The following DPP6 variants were observed in gnomAD, a reference collection of about 807,000 sequenced individuals.
The protein encoded by DPP6 is dipeptidyl peptidase like 6.
Under a neutral mutation model 122.6 loss-of-function variants are expected in DPP6, and 69 were observed. That is an observed-to-expected ratio of 0.56 (90% CI 0.46 to 0.69). The LOEUF is 0.69. DPP6 is among the 30% of genes least tolerant of loss of function. DPP6 has a pLI of 0.00. For synonymous variants in DPP6, 418 were observed against 433.1 expected, an observed-to-expected ratio of 0.97 and a Z score of 0.43; for missense variants, 928 against 1,116.9, an observed-to-expected ratio of 0.83 and a Z score of 2.41.
upstream of DPP6, chr7:153,886,974 C>T (rs1405405339): frequency 1.3e-5 from 2 of 152,284 alleles, no homozygotes; most frequent in African/African-American, 4.8e-5. Context: ...CGCGCGCGCA[C>T]CCAGTCCAGC....
intron 10 of DPP6, among the ~76,000 whole-genome samples, chr7:154,781,439 G>A (rs767755396): frequency 5.3e-5 from 8 of 152,176 alleles, no homozygotes; most frequent in Non-Finnish European, 1.0e-4. Context: ...CCTTGAGATG[G>A]AAGGGACAGG....
chr7:153,896,126 C>T (rs1405356267), intron 1 of DPP6, among the ~76,000 whole-genome samples: 2 of 152,174 alleles, frequency 1.3e-5, no homozygotes, highest in African/African-American at 4.8e-5. Context: ...TTCTCTTTTT[C>T]CCTCTCCTAC....
intron 7 of DPP6, among the ~76,000 whole-genome samples, chr7:154,710,808 C>T (rs933062150): frequency 2.0e-5 from 3 of 152,240 alleles, no homozygotes; most frequent in Non-Finnish European, 4.4e-5. Context: ...AGGATTGGCA[C>T]AGTCTCCAGT....
At chr7:154,393,430 G>A (rs968934429) in intron 1 of DPP6, among the ~76,000 whole-genome samples, 1 of 152,100 alleles carries the variant, frequency 6.6e-6, no homozygotes, top group Non-Finnish European at 1.5e-5. Flanking sequence ...CTCAGGGAAA[G>A]TATTATCAAA....
intron 8 of DPP6, among the ~76,000 whole-genome samples, chr7:154,735,907 G>C (rs980253785): frequency 5.3e-5 from 8 of 152,160 alleles, no homozygotes; most frequent in Non-Finnish European, 1.2e-4. Flanking sequence ...TAGCCCCCTG[G>C]GTCCAACTGC....
chr7:154,622,330 G>A (rs1035528098), intron 5 of DPP6, among the ~76,000 whole-genome samples: 4 of 152,204 alleles, frequency 2.6e-5, no homozygotes, highest in Non-Finnish European at 5.9e-5. Flanking sequence ...TGTGGCATAT[G>A]TGGAAATAGA....
chr7:153,942,634 G>C (rs567427170), intron 1 of DPP6, among the ~76,000 whole-genome samples: 2 of 152,328 alleles, frequency 1.3e-5, no homozygotes, highest in South Asian at 4.1e-4. Flanking sequence ...CTGTGCTCCA[G>C]GCTGCTCAGA....
chr7:154,788,245 G>A (rs55941461), intron 10 of DPP6, among the ~76,000 whole-genome samples: 37,670 of 151,884 alleles, frequency 0.25, 5,220 homozygotes, highest in East Asian at 0.38. Flanking sequence ...GGAGTTTGAG[G>A]CCAACTTGGC....
intron 1 of DPP6, among the ~76,000 whole-genome samples, chr7:154,155,358 G>C (rs1030997352): frequency 2.0e-5 from 3 of 152,210 alleles, no homozygotes; most frequent in Non-Finnish European, 4.4e-5. Flanking sequence ...ATGTGGCTGA[G>C]TTCTTCAGAG....
At chr7:153,808,235 G>A in the DPP6 span, among the ~76,000 whole-genome samples, 1 of 151,450 alleles carries the variant, frequency 6.6e-6, no homozygotes, top group Non-Finnish European at 1.5e-5. Flanking sequence ...GTGCCTGAGT[G>A]TGCGTGTGTG....
chr7:154,887,834 C>A, intron 23 of DPP6, 100 bp downstream of exon 23: 3 of 1,337,348 alleles, frequency 2.2e-6, no homozygotes, highest in South Asian at 2.3e-5. Flanking sequence ...CCTTCCCCAG[C>A]CCCATGCTTC....
intron 13 of DPP6, among the ~76,000 whole-genome samples, chr7:154,803,242 A>T (rs1019472869): frequency 4.6e-5 from 7 of 152,100 alleles, no homozygotes; most frequent in African/African-American, 1.7e-4. Flanking sequence ...CCCCACTGAA[A>T]CATCGCTCCC....
chr7:154,572,505 CTTTTCTTTT>C (rs1360345783), intron 5 of DPP6, among the ~76,000 whole-genome samples: 7 of 84,246 alleles, frequency 8.3e-5, no homozygotes, highest in Admixed American at 1.2e-4. Context: ...CTTTTTTTTT[CTTTTCTTTT>C]TTTTTTTTTT....
chr7:154,827,204 A>ACACACG (rs1461495819), intron 16 of DPP6, among the ~76,000 whole-genome samples: 6 of 150,366 alleles, frequency 4.0e-5, no homozygotes, highest in African/African-American at 1.2e-4. Flanking sequence ...TCCCAGACAC[A>ACACACG]CACACACACA....
rs546023323 is a variant in DPP6, at chr7:154,009,782, G to A, written c.51+122048G>A. Among the ~76,000 whole-genome samples the A allele has an allele frequency of 8.6e-5, 13 of 151,244 alleles. No individual in the cohort carries two copies. The South Asian group carries it at 2.3e-3, about 27-fold the overall frequency. On this transcript the variant is annotated intron_variant, in intron 1 of 25. Coordinates refer to the DPP6 transcript ENST00000404039. ...CTGCCACTTTCTCACCCCACAGTCA[G>A]CCCCTCAACCATGAAAAGATGTAAG...
intron 1 of DPP6, among the ~76,000 whole-genome samples, chr7:154,431,184 G>A (rs534694272): frequency 1.2e-4 from 19 of 152,260 alleles, no homozygotes; most frequent in East Asian, 7.7e-4. Context: ...AAGGATGCTC[G>A]CTGGGAGCCA....
At chr7:154,242,210 C>T (rs75923115) in intron 1 of DPP6, among the ~76,000 whole-genome samples, 6,929 of 152,182 alleles carry the variant, frequency 0.046, 351 homozygotes, top group African/African-American at 0.13. Flanking sequence ...ATTTGTCTGA[C>T]GTTGACATGT....
intron 1 of DPP6, among the ~76,000 whole-genome samples, chr7:154,166,850 G>A (rs1428610284): frequency 6.7e-6 from 1 of 148,822 alleles, no homozygotes; most frequent in African/African-American, 2.6e-5. Context: ...GGCGGAGGTT[G>A]CAGTGAGCTG....
chr7:154,608,230 G>A (rs981087821), intron 5 of DPP6, among the ~76,000 whole-genome samples: 1 of 149,854 alleles, frequency 6.7e-6, no homozygotes, highest in Admixed American at 6.7e-5. Flanking sequence ...CCGCCCCCTC[G>A]GCCTCCCAAA....
Sources: gnomAD v4.1 joint callset for allele counts (sites outside exome capture counted in the v4.1 genomes callset) on GRCh38, gnomAD v4.1.1 for gene constraint, MANE v1.5 for transcripts, NCBI Gene and HGNC (gene_info 2026-07-23, HGNC 2026-07-21) for gene names.